Variants in TMEM132C observed in about 807,000 individuals in gnomAD.
TMEM132C encodes transmembrane protein 132C, also known as protein phosphatase 1, regulatory subunit 152.
In TMEM132C, 29 loss-of-function variants were observed where a neutral mutation model predicts 61.4. The ratio of observed to expected loss-of-function variants is 0.47; its 90% CI spans 0.35 to 0.64. The LOEUF (loss-of-function observed/expected upper bound fraction) is 0.64. TMEM132C is among the 30% of genes least tolerant of loss of function. The probability of loss-of-function intolerance (pLI) is 0.00; values close to 1 mark genes in which losing one functional copy is unlikely to be tolerated. For synonymous variants in TMEM132C, 656 were observed against 633.1 expected, an observed-to-expected ratio of 1.04 and a Z score of -0.54; for missense variants, 1,408 against 1,476.9, an observed-to-expected ratio of 0.95 and a Z score of 0.76.
At chr12:128,427,221 GA>G (rs984318790) in intron 2 of TMEM132C, among the ~76,000 whole-genome samples, 2 of 151,878 alleles carry the variant, frequency 1.3e-5, no homozygotes, top group Admixed American at 6.6e-5. Context: ...GGATAGAAAG[GA>G]AAAAAACAGG....
intron 2 of TMEM132C, among the ~76,000 whole-genome samples, chr12:128,539,190 T>C (rs4882784): frequency 0.54 from 81,365 of 152,060 alleles, 22,610 homozygotes; most frequent in Middle Eastern, 0.61. Flanking sequence ...CCTGGGATTC[T>C]TTCCACGTCA....
At chr12:128,609,415 T>A (rs1249690782) in intron 3 of TMEM132C, among the ~76,000 whole-genome samples, 1 of 151,454 alleles carries the variant, frequency 6.6e-6, no homozygotes, top group Non-Finnish European at 1.5e-5. Flanking sequence ...TTTTAGTTTT[T>A]GTTTTTGTTT....
chr12:128,310,896 T>A lies in TMEM132C; in HGVS notation c.85+43409T>A, dbSNP rs529346635. Among the ~76,000 whole-genome samples, 380 of 152,300 alleles carry A rather than the reference T, an allele frequency of 2.5e-3. 5 individuals carry two copies. Among genetic ancestry groups the A allele is most frequent in the African/African-American group, 8.8e-3 (364 of 41,560 alleles). The stretch of plus-strand genomic sequence containing the variant: ...GAGAAGAATTTAAATGTTCCCAGAA[T>A]AAAGAGAAGATGACTATTTCAGATG... On this transcript the variant is annotated intron_variant, in intron 1 of 8. Coordinates refer to ENST00000435159, the MANE Select transcript of TMEM132C (RefSeq NM_001136103.3).
intron 1 of TMEM132C, among the ~76,000 whole-genome samples, chr12:128,377,083 C>T (rs2630221): frequency 0.025 from 3,780 of 149,904 alleles, 172 homozygotes; most frequent in African/African-American, 0.088. Context: ...GAGATGGAGT[C>T]TTGCTTTGTC....
chr12:128,414,835 C>T lies in TMEM132C; in HGVS notation c.189C>T (p.Phe63=), dbSNP rs573283535. The change falls in exon 2 of 9, where the codon TTC becomes TTT. Residue 63 remains phenylalanine (F), a synonymous_variant. Transcript: ENST00000435159. The part of the protein sequence containing the change: ...YHILRAETSF[F]LKEANQDLLR... Reference sequence around the variant, plus strand: ...TCCTCAGAGCAGAGACCTCCTTCTTCCTCAAGGAAGCCAACCAGGACCTGC... The same window carrying T: ...TCCTCAGAGCAGAGACCTCCTTCTTTCTCAAGGAAGCCAACCAGGACCTGC... The T allele has an allele frequency of 1.9e-6, 3 of 1,547,988 alleles. No individual in the cohort carries two copies. The highest frequency in any genetic ancestry group is 2.4e-5 in the East Asian group (1 of 40,922).
At chr12:128,622,119 G>A (rs964854781) in intron 4 of TMEM132C, among the ~76,000 whole-genome samples, 17 of 151,804 alleles carry the variant, frequency 1.1e-4, no homozygotes, top group African/African-American at 2.7e-4. Context: ...TGAGGTGGGC[G>A]AATCAACTGA....
At chr12:128,494,977 C>T (rs533410102) in intron 2 of TMEM132C, among the ~76,000 whole-genome samples, 2 of 142,454 alleles carry the variant, frequency 1.4e-5, no homozygotes, top group Non-Finnish European at 3.1e-5. Context: ...CTCTTGTGGG[C>T]ATTTAGTGCT....
intron 1 of TMEM132C, among the ~76,000 whole-genome samples, chr12:128,347,796 T>C (rs1593019943): frequency 1.3e-5 from 2 of 152,344 alleles, no homozygotes; most frequent in Admixed American, 1.3e-4. Flanking sequence ...GATTGCTGGA[T>C]TGAATGGTAG....
At chr12:128,482,530 G>C (rs931188406) in intron 2 of TMEM132C, among the ~76,000 whole-genome samples, 6 of 152,126 alleles carry the variant, frequency 3.9e-5, no homozygotes, top group Non-Finnish European at 4.4e-5. Flanking sequence ...CTATTGTTTG[G>C]AATAATTTCA....
chr12:128,281,212 A>G (rs1267627251), intron 1 of TMEM132C, among the ~76,000 whole-genome samples: 1 of 152,212 alleles, frequency 6.6e-6, no homozygotes, highest in Non-Finnish European at 1.5e-5. Flanking sequence ...TCAGCTGTCA[A>G]CCCAGGCTGC....
intron 1 of TMEM132C, among the ~76,000 whole-genome samples, chr12:128,413,126 A>G (rs541465782): frequency 6.6e-6 from 1 of 151,956 alleles, no homozygotes; most frequent in South Asian, 2.1e-4. Flanking sequence ...GTGAAACTCC[A>G]TCTCTACTAA....
intron 1 of TMEM132C, among the ~76,000 whole-genome samples, chr12:128,327,025 T>C (rs1872544099): frequency 6.7e-6 from 1 of 149,996 alleles, no homozygotes; most frequent in Admixed American, 6.6e-5. Flanking sequence ...CCAACCTTTT[T>C]GTCTGTGTGC....
At chr12:128,272,683 G>A (rs562098769) in intron 1 of TMEM132C, among the ~76,000 whole-genome samples, 1 of 152,158 alleles carries the variant, frequency 6.6e-6, no homozygotes, top group Non-Finnish European at 1.5e-5. Context: ...TATCCATTTT[G>A]TTTTGATTTT....
At position 128,615,926 on chromosome 12, in the gene TMEM132C, C is replaced by T. The variant is rs142760259; in HGVS notation, c.1122-226C>T. ...ATCAACACAGACACAGGTTACTGCT[C>T]ATTGTTGAATATTCTTGGCCCATAT... On this transcript the variant is annotated intron_variant, in intron 3 of 8. Coordinates refer to ENST00000435159, the MANE Select transcript of TMEM132C (RefSeq NM_001136103.3). 3.3e-5 allele frequency among the ~76,000 whole-genome samples: 5 copies of T among 152,332 alleles called. No individual in the cohort carries two copies. The East Asian group carries it at 9.6e-4, about 29-fold the overall frequency.
intron 2 of TMEM132C, among the ~76,000 whole-genome samples, chr12:128,477,342 C>T (rs1018477444): frequency 4.6e-5 from 7 of 152,132 alleles, no homozygotes; most frequent in Non-Finnish European, 8.8e-5. Flanking sequence ...AAGAAAAGAA[C>T]AAGCAGAGGC....
At chr12:128,621,463 C>G (rs891294597) in intron 4 of TMEM132C, among the ~76,000 whole-genome samples, 1 of 152,152 alleles carries the variant, frequency 6.6e-6, no homozygotes, top group Non-Finnish European at 1.5e-5. Flanking sequence ...CGATAGCACC[C>G]CGTAGCCAAG....
chr12:128,292,977 C>A (rs1193121306), intron 1 of TMEM132C, among the ~76,000 whole-genome samples: 1 of 149,460 alleles, frequency 6.7e-6, no homozygotes, highest in African/African-American at 2.6e-5. Context: ...TATATGCAAG[C>A]ACGAGCACCA....
chr12:128,351,696 C>T (rs962031102), intron 1 of TMEM132C, among the ~76,000 whole-genome samples: 3 of 152,076 alleles, frequency 2.0e-5, no homozygotes, highest in African/African-American at 7.2e-5. Flanking sequence ...ACAACCAGTT[C>T]TTGTGGGAAC....
intron 2 of TMEM132C, among the ~76,000 whole-genome samples, chr12:128,416,457 A>T (rs564786737): frequency 3.5e-4 from 54 of 152,374 alleles, no homozygotes; most frequent in Admixed American, 3.3e-4. Flanking sequence ...AATAAATGGG[A>T]TAAAAATGTT....
Sources: gnomAD v4.1 joint callset for allele counts (sites outside exome capture counted in the v4.1 genomes callset) on GRCh38, gnomAD v4.1.1 for gene constraint, MANE v1.5 for transcripts, NCBI Gene and HGNC (gene_info 2026-07-23, HGNC 2026-07-21) for gene names.